The following STAT5A variants were observed in gnomAD, a reference collection of about 807,000 sequenced individuals.
The protein encoded by STAT5A is epididymis secretory sperm binding protein.
A neutral mutation model predicts 100.2 loss-of-function variants in STAT5A; 26 were observed. The ratio of observed to expected loss-of-function variants is 0.26; its 90% CI spans 0.19 to 0.36. The LOEUF is 0.36. Among genes scored for constraint, STAT5A ranks in the 10% least tolerant of loss-of-function variants. The probability of loss-of-function intolerance (pLI) is 1.00; values close to 1 mark genes in which losing one functional copy is unlikely to be tolerated. For synonymous variants in STAT5A, 330 were observed against 424.3 expected, an observed-to-expected ratio of 0.78 and a Z score of 2.73; for missense variants, 634 against 1,027.5, an observed-to-expected ratio of 0.62 and a Z score of 5.24.
intron 3 of STAT5A, chr17:42,290,287 G>A: frequency 2.9e-6 from 1 of 346,166 alleles, no homozygotes; most frequent in South Asian, 5.2e-5. Flanking sequence ...AGAAGGGATG[G>A]AGGGAGACTG....
In STAT5A at chr17:42,308,903, T is replaced by G; in HGVS notation, c.2063-144T>G. 6.0e-6 allele frequency: 6 copies of G among 999,156 alleles called. No individual in the cohort carries two copies. Among genetic ancestry groups the G allele is most frequent in the Non-Finnish European group, 9.3e-6 (6 of 647,336 alleles). 61.9% of individuals were successfully genotyped at this position (999,156 alleles called of 1,614,324 possible). A position where few individuals can be genotyped will look rare whatever the true frequency, so the allele number is the denominator to read the frequency against. Reference sequence around the variant, plus strand: ...TCAGGCAGGATTCATCAGCTGGTGTTTATTGGGGGTCCTTGGGAAATCTCA... The same window carrying G: ...TCAGGCAGGATTCATCAGCTGGTGTGTATTGGGGGTCCTTGGGAAATCTCA... On this transcript the variant is annotated intron_variant, in intron 16 of 18. Coordinates refer to ENST00000590949, the MANE Select transcript of STAT5A (RefSeq NM_001288718.2). This position sits in a 1 kb window ranked among gnomAD's most constrained non-coding sequence, Gnocchi z 4.6.
intron 15 of STAT5A, 120 bp downstream of exon 15, chr17:42,307,843 T>C: frequency 7.2e-7 from 1 of 1,394,754 alleles, no homozygotes; most frequent in Non-Finnish European, 9.7e-7. Context: ...AAGCTTAGTA[T>C]GAGAGGGCTG....
chr17:42,301,230 C>T lies in STAT5A; in HGVS notation c.990-45C>T, dbSNP rs781479832. ...ACAGAGGGACTGAGAGCCCTTTCCCCTGCGCCAACCCCTCATCGTGTGTCT... is the reference window on the plus strand; with the variant it reads ...ACAGAGGGACTGAGAGCCCTTTCCCTTGCGCCAACCCCTCATCGTGTGTCT... On this transcript the variant is annotated intron_variant, in intron 8 of 18. Coordinates refer to ENST00000590949, the MANE Select transcript of STAT5A (RefSeq NM_001288718.2). 5.0e-6 allele frequency: 8 copies of T among 1,595,812 alleles called. No homozygotes were observed. In the African/African-American group the frequency reaches 5.4e-5, roughly 11 times the overall value.
chr17:42,299,602 G>GC (rs2080955015), intron 5 of STAT5A, 149 bp from the exon 6 acceptor site: 2 of 1,344,060 alleles, frequency 1.5e-6, no homozygotes, highest in South Asian at 2.9e-5. Flanking sequence ...ATTCATCTTG[G>GC]CCCCCCTGGC....
intron 5 of STAT5A, among the ~76,000 whole-genome samples, chr17:42,298,466 T>C (rs1436198069): frequency 3.4e-5 from 5 of 146,290 alleles, no homozygotes; most frequent in Admixed American, 3.4e-4. Flanking sequence ...TGGCACATGA[T>C]GGATACTTTT....
intron 9 of STAT5A, among the ~76,000 whole-genome samples, chr17:42,302,878 C>A (rs968262651): frequency 1.3e-5 from 2 of 152,018 alleles, no homozygotes; most frequent in African/African-American, 4.8e-5. Flanking sequence ...ATCACTTGAA[C>A]CCGGAGGTGG....
At chr17:42,309,210 C>G in intron 17 of STAT5A, 112 bp downstream of exon 17, 1 of 1,590,642 alleles carries the variant, frequency 6.3e-7, no homozygotes, top group Non-Finnish European at 8.6e-7. Flanking sequence ...GAACCTGTCT[C>G]AGCCCTGGGG....
chr17:42,292,104 T>A, intron 4 of STAT5A, 43 bp downstream of exon 4: 2 of 1,601,850 alleles, frequency 1.2e-6, no homozygotes, highest in Non-Finnish European at 1.7e-6. Context: ...GAGAAGTCCC[T>A]CCATATGCCT....
Position 42,310,804 on chromosome 17 carries a change from T to G in STAT5A, c.*135T>G. 4.3e-6 allele frequency: 6 copies of G among 1,406,014 alleles called. No individual in the cohort carries two copies. Among genetic ancestry groups the G allele is most frequent in the Admixed American group, 2.1e-5 (1 of 47,524 alleles). 87.1% of individuals were successfully genotyped at this position (1,406,014 alleles called of 1,614,324 possible). ...TGTGTGTGTGTGTGTGTGTGTGTCC[T>G]TGTGCATGAGCTACGCCTGCCTCCC... On this transcript the variant is annotated 3_prime_UTR_variant, in exon 19 of 19. Coordinates refer to ENST00000590949, the MANE Select transcript of STAT5A (RefSeq NM_001288718.2).
chr17:42,288,422 G>T (rs1432284821), upstream of STAT5A: 1 of 152,472 alleles, frequency 6.6e-6, no homozygotes, highest in African/African-American at 2.4e-5. The surrounding 1 kb of genome is among the most constrained non-coding windows in gnomAD (Gnocchi z 4.8). Flanking sequence ...GCTGGCGCGG[G>T]CTCGCGCGCT....
chr17:42,307,308 G>T, intron 13 of STAT5A, 94 bp from the exon 14 acceptor site: 2 of 1,268,138 alleles, frequency 1.6e-6, no homozygotes, highest in South Asian at 1.3e-5. Context: ...GAAGAACTGG[G>T]AGAAGACTGG....
At position 42,298,979 on chromosome 17, in the gene STAT5A, C is replaced by T. The variant is rs573531401; in HGVS notation, c.551-772C>T. ...CTCTGCGGTCTGTCTATCTGTCTGTCTCCCCTGGTTGGTCGGCTGGGCTCA... is the reference window on the plus strand; with the variant it reads ...CTCTGCGGTCTGTCTATCTGTCTGTTTCCCCTGGTTGGTCGGCTGGGCTCA... On this transcript the variant is annotated intron_variant, in intron 5 of 18. Transcript: ENST00000590949. Among the ~76,000 whole-genome samples, 32 of 150,602 alleles carry T rather than the reference C, an allele frequency of 2.1e-4. 1 individual carries two copies. The highest frequency in any genetic ancestry group is 8.0e-4 in the African/African-American group (32 of 39,982).
intron 5 of STAT5A, among the ~76,000 whole-genome samples, chr17:42,298,412 C>T (rs967732225): frequency 2.0e-5 from 3 of 151,804 alleles, no homozygotes; most frequent in African/African-American, 7.3e-5. Context: ...CTGCCTGTCT[C>T]AGCCTCCCAA....
rs2081081655 is a variant in STAT5A, at chr17:42,311,494, G to T, written c.*825G>T. On this transcript the variant is annotated 3_prime_UTR_variant, in exon 19 of 19. Coordinates refer to ENST00000590949, the MANE Select transcript of STAT5A (RefSeq NM_001288718.2). ...TGTTTGTAACCTTGTCGACAAAGAG[G>T]TAGAAAAGATTGGGTCTAGGATATG... 6.6e-6 allele frequency: 1 copy of T among 152,332 alleles called. No individual in the cohort carries two copies. Among genetic ancestry groups the T allele is most frequent in the Admixed American group, 6.5e-5 (1 of 15,272 alleles). 9.4% of individuals were successfully genotyped at this position (152,332 alleles called of 1,614,324 possible). A position where few individuals can be genotyped will look rare whatever the true frequency, so the allele number is the denominator to read the frequency against.
chr17:42,289,305 C>A, intron 1 of STAT5A, 97 bp from the exon 2 acceptor site: 2 of 1,367,724 alleles, frequency 1.5e-6, no homozygotes, highest in South Asian at 3.1e-5. Context: ...CCTGGCCTGG[C>A]CGCGGTCCAG....
intron 4 of STAT5A, among the ~76,000 whole-genome samples, chr17:42,292,689 T>G (rs1264510763): frequency 1.3e-5 from 2 of 150,238 alleles, no homozygotes; most frequent in Admixed American, 6.7e-5. Context: ...TGCAGTGATG[T>G]GATCTCTGCT....
chr17:42,292,026 T>C lies in STAT5A; in HGVS notation c.340T>C (p.Tyr114His). The change falls in exon 4 of 19, where the codon TAC becomes CAC. Residue 114 changes from tyrosine to histidine, a missense_variant. This residue lies in a region of STAT5A where 207 missense variants were observed against 256.6 expected (regional missense o/e 0.81). Coordinates refer to ENST00000590949, the MANE Select transcript of STAT5A (RefSeq NM_001288718.2). ...GGTCCGCTGCATCCGGCACATTCTG[T>C]ACAATGAACAGAGGCTGGTCCGAGA... The part of the protein sequence containing the change: ...ELVRCIRHIL[Y>H]NEQRLVREAN... 6.2e-7 allele frequency: 1 copy of C among 1,614,022 alleles called. No individual in the cohort carries two copies. The highest frequency in any genetic ancestry group is 1.3e-5 in the African/African-American group (1 of 75,028).
chr17:42,301,509 C>G, intron 9 of STAT5A, 55 bp downstream of exon 9: 12 of 1,599,856 alleles, frequency 7.5e-6, no homozygotes. Flanking sequence ...GACCTGCACC[C>G]CCCGCTTTGT....
Position 42,308,468 on chromosome 17 carries a change from A to G in STAT5A, c.2062+135A>G, listed in dbSNP as rs545555103. 7.9e-7 allele frequency: 1 copy of G among 1,267,120 alleles called. No individual in the cohort carries two copies. Among genetic ancestry groups the G allele is most frequent in the East Asian group, 2.5e-5 (1 of 39,996 alleles). The allele number at this position is 1,267,120 out of a possible 1,614,324, so 78.5% of individuals were successfully genotyped here. On this transcript the variant is annotated intron_variant, in intron 16 of 18. Transcript: ENST00000590949. This position sits in a 1 kb window ranked among gnomAD's most constrained non-coding sequence, Gnocchi z 4.6. ...CCATGTCCCCTGTGGGTTTTGGCCC[A>G]TGGGGTGGTGGAGAGGATTTCAGGG...
Sources: gnomAD v4.1 joint callset for allele counts (sites outside exome capture counted in the v4.1 genomes callset) on GRCh38, gnomAD v4.1.1 for gene constraint, gnomAD v4.1.1 regional missense constraint, Gnocchi (gnomAD v3.1) non-coding constraint, MANE v1.5 for transcripts, NCBI Gene and HGNC (gene_info 2026-07-23, HGNC 2026-07-21) for gene names.